The following PEX5L variants were observed in gnomAD, a reference collection of about 807,000 sequenced individuals.
The protein encoded by PEX5L is peroxisomal biogenesis factor 5 like.
PEX5L carries 30 observed loss-of-function variants against 84.0 expected under a neutral mutation model. That is an observed-to-expected ratio of 0.36 (90% CI 0.27 to 0.48). The LOEUF (loss-of-function observed/expected upper bound fraction) is 0.48. Ranked by LOEUF, PEX5L falls within the 20% of genes least tolerant of loss-of-function variation. The probability of loss-of-function intolerance (pLI) is 0.99; values close to 1 mark genes in which losing one functional copy is unlikely to be tolerated. For synonymous variants in PEX5L, 270 were observed against 283.1 expected, an observed-to-expected ratio of 0.95 and a Z score of 0.46; for missense variants, 533 against 754.6, an observed-to-expected ratio of 0.71 and a Z score of 3.44.
At chr3:179,954,025 G>A (rs972750975) in intron 2 of PEX5L, among the ~76,000 whole-genome samples, 1 of 152,130 alleles carries the variant, frequency 6.6e-6, no homozygotes, top group Non-Finnish European at 1.5e-5. Flanking sequence ...TTAACCTTGT[G>A]TCTCTCAATG....
chr3:180,036,692 C>G lies in PEX5L; in HGVS notation c.-93G>C, dbSNP rs1791938328. 1 of 1,444,198 alleles carries G rather than the reference C, an allele frequency of 6.9e-7. No individual in the cohort carries two copies. The highest frequency in any genetic ancestry group is 9.8e-7 in the Non-Finnish European group (1 of 1,025,544). The allele number at this position is 1,444,198 out of a possible 1,614,324, so 89.5% of individuals were successfully genotyped here. A position where few individuals can be genotyped will look rare whatever the true frequency, so the allele number is the denominator to read the frequency against. Reference sequence around the variant, plus strand: ...CAAAAGAGGGGAAAAGGTGGGTGCACAGCGGGTTCTCAGAGGGTGCTCCTG... The same window carrying G: ...CAAAAGAGGGGAAAAGGTGGGTGCAGAGCGGGTTCTCAGAGGGTGCTCCTG... On this transcript the variant is annotated 5_prime_UTR_variant, in exon 1 of 15. Coordinates refer to ENST00000467460, the MANE Select transcript of PEX5L (RefSeq NM_016559.3).
At chr3:179,933,873 C>A (rs1302620508) in intron 2 of PEX5L, among the ~76,000 whole-genome samples, 1 of 152,218 alleles carries the variant, frequency 6.6e-6, no homozygotes. Context: ...GGTCTTAGGA[C>A]CACCTTGAGT....
At position 179,974,278 on chromosome 3, in the gene PEX5L, G is replaced by A. The variant is rs571032893; in HGVS notation, c.22-2613C>T. Reference sequence around the variant, plus strand: ...CCAAGTGTGAGGGGGCAGGGCTTCTGTGGGAGGAGAAGCCACAGGGCAATC... The same window carrying A: ...CCAAGTGTGAGGGGGCAGGGCTTCTATGGGAGGAGAAGCCACAGGGCAATC... On this transcript the variant is annotated intron_variant, in intron 1 of 14. Transcript: ENST00000467460. 2.0e-4 allele frequency: 152 copies of A among 769,036 alleles called. 1 individual carries two copies. The Middle Eastern group carries it at 4.0e-3, about 20-fold the overall frequency. 47.6% of individuals were successfully genotyped at this position (769,036 alleles called of 1,614,324 possible).
chr3:179,995,948 C>T (rs923553451), intron 1 of PEX5L, among the ~76,000 whole-genome samples: 4 of 152,276 alleles, frequency 2.6e-5, no homozygotes, highest in South Asian at 2.1e-4. Context: ...TTCTGATGAA[C>T]CTTTTTTGCC....
intron 8 of PEX5L, among the ~76,000 whole-genome samples, chr3:179,839,041 A>G (rs1736055004): frequency 6.6e-6 from 1 of 152,110 alleles, no homozygotes; most frequent in African/African-American, 2.4e-5. Flanking sequence ...GAGAAAGAAA[A>G]AAAAAATCTA....
At chr3:180,007,321 C>CGTG (rs1287506810) in intron 1 of PEX5L, among the ~76,000 whole-genome samples, 1 of 152,188 alleles carries the variant, frequency 6.6e-6, no homozygotes, top group Non-Finnish European at 1.5e-5. Context: ...GGTGGGTTCC[C>CGTG]GTGGTTTTGG....
intron 2 of PEX5L, among the ~76,000 whole-genome samples, chr3:179,922,517 CG>C (rs1396267804): frequency 6.7e-6 from 1 of 149,086 alleles, no homozygotes; most frequent in Non-Finnish European, 1.5e-5. Context: ...GGCGCGGTCT[CG>C]GCTCACCGCA....
At chr3:179,834,653 G>A (rs1734315031) in intron 8 of PEX5L, among the ~76,000 whole-genome samples, 1 of 152,140 alleles carries the variant, frequency 6.6e-6, no homozygotes, top group Non-Finnish European at 1.5e-5. Flanking sequence ...ACTCTAAATT[G>A]TGAATATGTA....
At chr3:179,867,174 A>T (rs1748632811) in intron 7 of PEX5L, among the ~76,000 whole-genome samples, 1 of 152,132 alleles carries the variant, frequency 6.6e-6, no homozygotes, top group Admixed American at 6.5e-5. Context: ...TTCTATGTTG[A>T]AGAATATTGA....
chr3:179,964,119 C>A (rs535787490), intron 2 of PEX5L, among the ~76,000 whole-genome samples: 1 of 151,952 alleles, frequency 6.6e-6, no homozygotes, highest in Non-Finnish European at 1.5e-5. Context: ...AAACATATTA[C>A]CTGATAGGCA....
intron 2 of PEX5L, among the ~76,000 whole-genome samples, chr3:179,942,852 A>G (rs7652323): frequency 0.3 from 45,220 of 152,056 alleles, 7,085 homozygotes; most frequent in East Asian, 0.6. Context: ...TTGTCCTCTT[A>G]GGTTACATAT....
intron 2 of PEX5L, among the ~76,000 whole-genome samples, chr3:179,915,493 A>G (rs1766723689): frequency 6.6e-6 from 1 of 152,242 alleles, no homozygotes; most frequent in Admixed American, 6.5e-5. Context: ...TACCTTAGTG[A>G]TGAGAGATGT....
rs766878397 is a variant in PEX5L, at chr3:179,859,177, T to C, written c.727-20A>G. On this transcript the variant is annotated intron_variant, in intron 7 of 14. Transcript: ENST00000467460. The stretch of plus-strand genomic sequence containing the variant: ...TCGAGCCTGAAATCAATCATACACA[T>C]AGTGTTATAATATTAGAATCACATG... 2 of 1,533,708 alleles carry C rather than the reference T, an allele frequency of 1.3e-6. No individual in the cohort carries two copies. The highest frequency in any genetic ancestry group is 1.1e-5 in the South Asian group (1 of 89,396).
At chr3:179,975,810 T>A (rs1579194831) in intron 1 of PEX5L, among the ~76,000 whole-genome samples, 1 of 152,330 alleles carries the variant, frequency 6.6e-6, no homozygotes, top group Admixed American at 6.5e-5. Flanking sequence ...GATTTCCTCA[T>A]ATCTGCTTTT....
intron 2 of PEX5L, among the ~76,000 whole-genome samples, chr3:179,901,489 C>T (rs1284141017): frequency 5.3e-5 from 8 of 152,114 alleles, no homozygotes; most frequent in African/African-American, 1.9e-4. Flanking sequence ...TGCTTCTATG[C>T]CACTCAGCAA....
At chr3:179,969,566 T>C (rs750353547) in intron 2 of PEX5L, among the ~76,000 whole-genome samples, 4 of 152,108 alleles carry the variant, frequency 2.6e-5, no homozygotes, top group Non-Finnish European at 4.4e-5. Context: ...TACTTTGAGA[T>C]ATCAACATTG....
At chr3:179,821,105 C>T (rs530927439) in intron 8 of PEX5L, among the ~76,000 whole-genome samples, 26 of 152,042 alleles carry the variant, frequency 1.7e-4, no homozygotes, top group Non-Finnish European at 3.1e-4. Context: ...CCAGAAGCGG[C>T]GGGGCGGCGG....
chr3:179,831,791 C>T (rs758833490), intron 8 of PEX5L, among the ~76,000 whole-genome samples: 2 of 152,158 alleles, frequency 1.3e-5, no homozygotes, highest in Non-Finnish European at 2.9e-5. Flanking sequence ...GTAGGAGGAA[C>T]AGCATATGTA....
At chr3:179,988,639 T>G (rs1256924677) in intron 1 of PEX5L, among the ~76,000 whole-genome samples, 1 of 152,134 alleles carries the variant, frequency 6.6e-6, no homozygotes, top group Non-Finnish European at 1.5e-5. Flanking sequence ...ATAAAAGTAG[T>G]TGAAATTGGA....
Sources: gnomAD v4.1 joint callset for allele counts (sites outside exome capture counted in the v4.1 genomes callset) on GRCh38, gnomAD v4.1.1 for gene constraint, MANE v1.5 for transcripts, NCBI Gene and HGNC (gene_info 2026-07-23, HGNC 2026-07-21) for gene names.